The following SPMIP2 variants were observed in gnomAD, a reference collection of about 807,000 sequenced individuals.
SPMIP2 encodes the protein sperm microtubule inner protein 2.
At chr4:159,061,363 A>G in the SPMIP2 span, among the ~76,000 whole-genome samples, 500 of 151,984 alleles carry the variant, frequency 3.3e-3, 4 homozygotes, top group African/African-American at 0.012. Context: ...CAGAAAACAC[A>G]TGTACTTGCC....
chr4:159,074,645 G>T, the SPMIP2 span, among the ~76,000 whole-genome samples: 1 of 152,092 alleles, frequency 6.6e-6, no homozygotes, highest in Admixed American at 6.5e-5. Context: ...ATCCTGGGGT[G>T]GTTTTTGCAG....
At chr4:159,063,210 T>C in the SPMIP2 span, among the ~76,000 whole-genome samples, 2 of 152,088 alleles carry the variant, frequency 1.3e-5, no homozygotes, top group South Asian at 2.1e-4. Flanking sequence ...GCTTACAAAA[T>C]TAATAAAACC....
the SPMIP2 span, among the ~76,000 whole-genome samples, chr4:158,902,580 C>G: frequency 6.6e-6 from 1 of 152,222 alleles, no homozygotes. Context: ...GAAGCTGTGC[C>G]TACAGCCGCC....
the SPMIP2 span, chr4:158,907,410 T>C: frequency 6.6e-6 from 1 of 152,172 alleles, no homozygotes; most frequent in Non-Finnish European, 1.5e-5. Context: ...CTTAACCATA[T>C]TTTTCAAAAT....
the SPMIP2 span, among the ~76,000 whole-genome samples, chr4:158,917,764 T>C: frequency 4.5e-3 from 592 of 131,488 alleles, 7 homozygotes; most frequent in African/African-American, 0.016. Flanking sequence ...CTCTGTCTCC[T>C]AGGTTGGAGT....
chr4:158,915,777 G>T, the SPMIP2 span, among the ~76,000 whole-genome samples: 1 of 152,106 alleles, frequency 6.6e-6, no homozygotes, highest in Admixed American at 6.6e-5. Context: ...TCCAAGCTCT[G>T]GCTTTGGACT....
At chr4:159,032,979 T>C in the SPMIP2 span, among the ~76,000 whole-genome samples, 1 of 152,210 alleles carries the variant, frequency 6.6e-6, no homozygotes, top group East Asian at 1.9e-4. Context: ...AACATATCCA[T>C]GCAAAAGGCT....
the SPMIP2 span, among the ~76,000 whole-genome samples, chr4:159,031,832 C>T: frequency 5.9e-5 from 9 of 152,002 alleles, no homozygotes; most frequent in Non-Finnish European, 1.2e-4. Context: ...AGTTCATTGG[C>T]GTGTGTTTTA....
At chr4:158,956,528 A>G in the SPMIP2 span, among the ~76,000 whole-genome samples, 12 of 152,128 alleles carry the variant, frequency 7.9e-5, no homozygotes, top group Non-Finnish European at 1.8e-4. Context: ...GCGCCGTTGC[A>G]CTCCAGCCTC....
the SPMIP2 span, among the ~76,000 whole-genome samples, chr4:158,896,049 T>C: frequency 6.6e-6 from 1 of 152,212 alleles, no homozygotes; most frequent in Admixed American, 6.5e-5. Context: ...TATCTGATAC[T>C]GGGTTTCACA....
the SPMIP2 span, chr4:158,904,856 T>G: frequency 4.1e-5 from 12 of 289,308 alleles, no homozygotes; most frequent in Non-Finnish European, 6.7e-5. Context: ...CAGATTGCCT[T>G]GTGCTGTTTG....
chr4:158,976,364 C>T, the SPMIP2 span, among the ~76,000 whole-genome samples: 3 of 152,072 alleles, frequency 2.0e-5, no homozygotes, highest in East Asian at 1.9e-4. Flanking sequence ...TGTCTTGTGC[C>T]GGTTTTCAAA....
At chr4:158,973,172 T>G in the SPMIP2 span, 3 of 1,613,340 alleles carry the variant, frequency 1.9e-6, no homozygotes, top group African/African-American at 2.7e-5. Flanking sequence ...CATGTTTATA[T>G]TTTGCTGGCA....
chr4:159,044,057 G>A, the SPMIP2 span, among the ~76,000 whole-genome samples: 1 of 151,990 alleles, frequency 6.6e-6, no homozygotes, highest in Admixed American at 6.5e-5. Flanking sequence ...TCGTTTTTTA[G>A]CAAATTCAGC....
chr4:159,014,918 C>T, the SPMIP2 span, among the ~76,000 whole-genome samples: 1 of 152,188 alleles, frequency 6.6e-6, no homozygotes, highest in Admixed American at 6.5e-5. Context: ...GCCCGTGGGC[C>T]ACTGGTTGGA....
At chr4:158,935,590 C>T in the SPMIP2 span, among the ~76,000 whole-genome samples, 19 of 152,264 alleles carry the variant, frequency 1.2e-4, no homozygotes, top group African/African-American at 4.1e-4. Flanking sequence ...TCTCTGGTGA[C>T]GGAAATTGTG....
chr4:158,903,540 C>A, the SPMIP2 span, among the ~76,000 whole-genome samples: 1 of 152,080 alleles, frequency 6.6e-6, no homozygotes, highest in African/African-American at 2.4e-5. Flanking sequence ...AGCTTTTATT[C>A]CCCTTTGCAC....
the SPMIP2 span, among the ~76,000 whole-genome samples, chr4:158,925,106 A>G: frequency 6.6e-6 from 1 of 152,228 alleles, no homozygotes; most frequent in Non-Finnish European, 1.5e-5. Context: ...CAGTTTGTGA[A>G]GAATTTCTGT....
the SPMIP2 span, among the ~76,000 whole-genome samples, chr4:158,987,825 A>T: frequency 6.6e-6 from 1 of 152,022 alleles, no homozygotes; most frequent in Non-Finnish European, 1.5e-5. Context: ...CTAACATCAC[A>T]ATTAAAAGAA....
Sources: gnomAD v4.1 joint callset for allele counts (sites outside exome capture counted in the v4.1 genomes callset) on GRCh38, gnomAD v4.1.1 for gene constraint, MANE v1.5 for transcripts, NCBI Gene and HGNC (gene_info 2026-07-23, HGNC 2026-07-21) for gene names.